XKR6: variants seen among roughly 807,000 people sequenced by gnomAD.
XKR6 encodes the protein XK related 6, also known as XK-related protein 6.
XKR6 carries 22 observed loss-of-function variants against 56.7 expected under a neutral mutation model. That is an observed-to-expected ratio of 0.39 (90% CI 0.28 to 0.55). The LOEUF is 0.55. XKR6 is among the 20% of genes least tolerant of loss of function. The pLI is 0.66. For synonymous variants in XKR6, 524 were observed against 387.8 expected (o/e 1.35, Z -4.13); for missense variants, 852 against 889.0 (o/e 0.96, Z 0.53).
chr8:11,165,333 C>T (rs1490720265), intron 1 of XKR6, among the ~76,000 whole-genome samples: 3 of 152,200 alleles, frequency 2.0e-5, no homozygotes, highest in Admixed American at 2.0e-4. Context: ...CTCCTGACCT[C>T]ATGATCTGCC....
rs7837813 is a variant in XKR6 at position 11,166,765 on chromosome 8, G to T, written c.764+33811C>A. ...TTTTTGTGTTTTTAGCAGAGACGGG[G>T]TTTCACCATGTTGGCCAGGCTGGTC... On this transcript the variant is annotated intron_variant, in intron 1 of 2. Coordinates refer to ENST00000416569, the MANE Select transcript of XKR6 (RefSeq NM_173683.4). 7.1e-3 allele frequency among the ~76,000 whole-genome samples: 1,074 copies of T among 152,072 alleles called. 13 individuals are homozygous for T. The highest frequency in any genetic ancestry group is 0.022 in the African/African-American group (899 of 41,490).
At chr8:11,004,344 C>T (rs564295738) in intron 1 of XKR6, among the ~76,000 whole-genome samples, 69 of 152,236 alleles carry the variant, frequency 4.5e-4, no homozygotes, top group African/African-American at 1.6e-3. Flanking sequence ...TGTTGGCGCA[C>T]ACCTGCAATA....
chr8:11,120,690 A>C (rs2129183387), intron 1 of XKR6, among the ~76,000 whole-genome samples: 1 of 152,288 alleles, frequency 6.6e-6, no homozygotes, highest in East Asian at 1.9e-4. Flanking sequence ...AAACTACTTT[A>C]AAGCTCATAT....
chr8:10,978,309 G>A (rs1797630543), intron 1 of XKR6, among the ~76,000 whole-genome samples: 1 of 152,208 alleles, frequency 6.6e-6, no homozygotes, highest in African/African-American at 2.4e-5. Context: ...ATGCATTAAT[G>A]AATAATGTTT....
At chr8:11,013,998 G>C (rs1798557148) in intron 1 of XKR6, among the ~76,000 whole-genome samples, 1 of 152,216 alleles carries the variant, frequency 6.6e-6, no homozygotes, top group South Asian at 2.1e-4. Context: ...GTCCAAACGT[G>C]CCTTTACTCG....
chr8:10,960,215 A>T (rs1160805521), intron 1 of XKR6, among the ~76,000 whole-genome samples: 3 of 151,792 alleles, frequency 2.0e-5, no homozygotes, highest in African/African-American at 7.3e-5. Context: ...AGGTGGGTGC[A>T]GGTATAGCAG....
chr8:11,172,562 G>T lies in XKR6; in HGVS notation c.764+28014C>A, dbSNP rs1311495857. On this transcript the variant is annotated intron_variant, in intron 1 of 2. Transcript: ENST00000416569. ...ATGGAAGTCACTGGATTATCATAATGGCATTGACCTCCCTGTTCTGAGCAG... is the reference window on the plus strand; with the variant it reads ...ATGGAAGTCACTGGATTATCATAATTGCATTGACCTCCCTGTTCTGAGCAG... Among the ~76,000 whole-genome samples the T allele has an allele frequency of 2.6e-5, 4 of 152,092 alleles. No homozygotes were observed. The East Asian group carries it at 7.7e-4, about 29-fold the overall frequency.
chr8:11,123,135 G>A (rs1347291948), intron 1 of XKR6, among the ~76,000 whole-genome samples: 1 of 151,750 alleles, frequency 6.6e-6, no homozygotes, highest in East Asian at 1.9e-4. Context: ...TACTCGGGAG[G>A]CTGAGGCAGG....
At chr8:11,091,825 C>T (rs1318089590) in intron 1 of XKR6, among the ~76,000 whole-genome samples, 1 of 152,178 alleles carries the variant, frequency 6.6e-6, no homozygotes, top group Non-Finnish European at 1.5e-5. Flanking sequence ...CTGTTCAAGT[C>T]CCCCAACACC....
In XKR6 at chr8:11,130,223, G is replaced by C. The variant is rs941441861; in HGVS notation, c.764+70353C>G. On this transcript the variant is annotated intron_variant, in intron 1 of 2. Coordinates refer to ENST00000416569, the MANE Select transcript of XKR6 (RefSeq NM_173683.4). ...TTTAGGGTTAAGATGTGTGCACTCA[G>C]TTTACAGTTTAATTTTTTTTAATGC... Among the ~76,000 whole-genome samples the C allele has an allele frequency of 2.6e-5, 4 of 152,048 alleles. No homozygotes were observed. The East Asian group carries it at 7.7e-4, about 29-fold the overall frequency.
intron 1 of XKR6, among the ~76,000 whole-genome samples, chr8:11,003,805 G>C (rs980423034): frequency 6.6e-6 from 1 of 152,222 alleles, no homozygotes; most frequent in Non-Finnish European, 1.5e-5. Context: ...ACAGGCATAT[G>C]TATGGAGGAC....
intron 2 of XKR6, among the ~76,000 whole-genome samples, chr8:10,908,767 C>A (rs1193270230): frequency 6.6e-6 from 1 of 152,164 alleles, no homozygotes; most frequent in African/African-American, 2.4e-5. Context: ...AGAGGTGGGG[C>A]CTTCAAGAGG....
At chr8:10,908,600 T>G (rs558909915) in intron 2 of XKR6, among the ~76,000 whole-genome samples, 2 of 152,174 alleles carry the variant, frequency 1.3e-5, no homozygotes, top group South Asian at 4.1e-4. Context: ...GTTACACAAA[T>G]GTCACCTTCT....
chr8:10,912,213 A>G (rs907583851), intron 2 of XKR6, among the ~76,000 whole-genome samples: 11 of 146,036 alleles, frequency 7.5e-5, no homozygotes, highest in African/African-American at 2.5e-4. Context: ...GTGTGTGTGT[A>G]TATATACAGA....
At chr8:11,012,587 G>A (rs1400032519) in intron 1 of XKR6, among the ~76,000 whole-genome samples, 1 of 152,076 alleles carries the variant, frequency 6.6e-6, no homozygotes, top group Non-Finnish European at 1.5e-5. Flanking sequence ...GAGGAAAAGA[G>A]CTGGGAAATG....
rs1362022727 is a variant in XKR6, at chr8:10,896,456, C to G, written c.*1496G>C. The G allele has an allele frequency of 6.6e-6, 1 of 152,584 alleles. No individual in the cohort carries two copies. The highest frequency in any genetic ancestry group is 2.4e-5 in the African/African-American group (1 of 41,410). The allele number at this position is 152,584 out of a possible 1,614,324, so 9.5% of individuals were successfully genotyped here. ...GCCCCCGCCCCCATGCTCTGCTGAA[C>G]CAAGCCGTGATCCAAGTTCGTCTTA... On this transcript the variant is annotated 3_prime_UTR_variant, in exon 3 of 3. Coordinates refer to ENST00000416569, the MANE Select transcript of XKR6 (RefSeq NM_173683.4).
At position 10,912,771 on chromosome 8, in the gene XKR6, A is replaced by G. The variant is rs367692884; in HGVS notation, c.961+11863T>C. 2.7e-5 allele frequency among the ~76,000 whole-genome samples: 4 copies of G among 149,374 alleles called. No homozygotes were observed. The East Asian group carries it at 7.8e-4, about 29-fold the overall frequency. ...AGAGAGAGAGACGGTGAGTATATAT[A>G]AAGAGGGTGTGTATGTGTGCATATA... On this transcript the variant is annotated intron_variant, in intron 2 of 2. Coordinates refer to ENST00000416569, the MANE Select transcript of XKR6 (RefSeq NM_173683.4).
At chr8:11,056,898 C>T (rs1799699005) in intron 1 of XKR6, among the ~76,000 whole-genome samples, 1 of 152,172 alleles carries the variant, frequency 6.6e-6, no homozygotes, top group Non-Finnish European at 1.5e-5. Flanking sequence ...TAGTCTCACC[C>T]TTCAGGTCTC....
chr8:11,163,848 G>A (rs992496712), intron 1 of XKR6, among the ~76,000 whole-genome samples: 3 of 152,132 alleles, frequency 2.0e-5, no homozygotes, highest in Non-Finnish European at 4.4e-5. Flanking sequence ...GCTAAATGAA[G>A]GGTTGGAACT....
Sources: gnomAD v4.1 joint callset for allele counts (sites outside exome capture counted in the v4.1 genomes callset) on GRCh38, gnomAD v4.1.1 for gene constraint, MANE v1.5 for transcripts, NCBI Gene and HGNC (gene_info 2026-07-23, HGNC 2026-07-21) for gene names.